Variants in DSC2 observed in about 807,000 individuals in gnomAD.
DSC2 encodes the protein desmocollin-2.
Under a neutral mutation model 87.6 loss-of-function variants are expected in DSC2, and 51 were observed. The observed-to-expected ratio is 0.58, with a 90% CI of 0.46 to 0.74. DSC2 has a LOEUF of 0.74. DSC2 is among the 30% of genes least tolerant of loss of function. The pLI is 0.00. For synonymous variants in DSC2, 383 were observed against 393.2 expected (o/e 0.97, Z 0.31); for missense variants, 1,066 against 1,089.5 (o/e 0.98, Z 0.30).
chr18:31,089,179 A>AAC (rs1987503641), intron 5 of DSC2, among the ~76,000 whole-genome samples: 1 of 151,702 alleles, frequency 6.6e-6, no homozygotes, highest in South Asian at 2.1e-4. Context: ...AAAAAAAAAA[A>AAC]AAAACTGTTC....
At position 31,102,398 on chromosome 18, in the gene DSC2, C is replaced by T. The variant is rs1988000601; in HGVS notation, c.-427G>A. The stretch of plus-strand genomic sequence containing the variant: ...TCCGCCAGGCGAGATTAACAGCCGG[C>T]CCTGCCCAGCAGAAGCCCTGACTGC... On this transcript the variant is annotated 5_prime_UTR_variant, in exon 1 of 16. Transcript: ENST00000280904. 1 of 162,140 alleles carries T rather than the reference C, an allele frequency of 6.2e-6. No homozygotes were observed. The allele number at this position is 162,140 out of a possible 1,614,324, so 10.0% of individuals were successfully genotyped here. A position where few individuals can be genotyped will look rare whatever the true frequency, so the allele number is the denominator to read the frequency against.
At position 31,074,865 on chromosome 18, in the gene DSC2, T is replaced by G; in HGVS notation, c.1706A>C (p.Asp569Ala). 1 of 1,613,942 alleles carries G rather than the reference T, an allele frequency of 6.2e-7. No homozygotes were observed. The highest frequency in any genetic ancestry group is 8.5e-7 in the Non-Finnish European group (1 of 1,179,974). The part of the protein sequence containing the change: ...CTGTLGIILQ[D>A]VNDNSPFIPK... ...TATGAATGGGCTGTTATCATTCACG[T>G]CTTGAAGTATAATGCCCAGTGTCCC... Residue 569 changes from aspartate (D) to alanine (A), a missense_variant, in exon 12 of 16, where the codon GAC (aspartate) becomes GCC (alanine). Asp to Ala is a moderately radical substitution (Grantham distance 126, BLOSUM62 -2). Coordinates refer to ENST00000280904, the MANE Select transcript of DSC2 (RefSeq NM_024422.6).
intron 1 of DSC2, among the ~76,000 whole-genome samples, chr18:31,096,673 T>C (rs1217163030): frequency 6.6e-6 from 1 of 152,088 alleles, no homozygotes; most frequent in African/African-American, 2.4e-5. Flanking sequence ...TTTTTTAGTC[T>C]CAAAAAATAA....
At chr18:31,078,448 T>C (rs1440443056) in intron 11 of DSC2, among the ~76,000 whole-genome samples, 1 of 152,178 alleles carries the variant, frequency 6.6e-6, no homozygotes, top group Non-Finnish European at 1.5e-5. Flanking sequence ...TAAACTCCTC[T>C]GCAACAGACG....
chr18:31,066,291 C>T lies in DSC2; in HGVS notation c.*1724G>A, dbSNP rs997487569. The stretch of plus-strand genomic sequence containing the variant: ...ACAGGAATCTAAGGAAGGGGTCTTA[C>T]TTCTCTGATTCAGGGAGTGCGAAAT... On this transcript the variant is annotated 3_prime_UTR_variant, in exon 16 of 16. Transcript: ENST00000280904. 4 of 152,124 alleles carry T rather than the reference C, an allele frequency of 2.6e-5. No individual in the cohort carries two copies. The highest frequency in any genetic ancestry group is 5.9e-5 in the Non-Finnish European group (4 of 67,996). The allele number at this position is 152,124 out of a possible 1,614,324, so 9.4% of individuals were successfully genotyped here.
chr18:31,074,584 T>G (rs1178826612), intron 12 of DSC2, 99 bp downstream of exon 12: 1 of 1,121,478 alleles, frequency 8.9e-7, no homozygotes, highest in Non-Finnish European at 1.3e-6. Flanking sequence ...CATTGGTGTT[T>G]CCCACATGGT....
At position 31,092,107 on chromosome 18, in the gene DSC2, T is replaced by G; in HGVS notation, c.348A>C (p.Gln116His). 1 of 1,612,176 alleles carries G rather than the reference T, an allele frequency of 6.2e-7. No individual in the cohort carries two copies. The highest frequency in any genetic ancestry group is 1.1e-5 in the South Asian group (1 of 90,958). Residue 116 changes from glutamine to histidine, a missense_variant, in exon 3 of 16, where the codon CAA (glutamine) becomes CAC (histidine). Coordinates refer to ENST00000280904, the MANE Select transcript of DSC2 (RefSeq NM_024422.6). ...KKKIFVFLEH[Q>H]TKVLKKRHTK... ...TTTATGTAGCCTTGTATACCTTTGT[T>G]TGATGCTCCAAAAAGACAAATATTT... is the stretch of plus-strand genomic sequence containing the variant.
intron 5 of DSC2, 139 bp from the exon 6 acceptor site, chr18:31,087,952 T>C: frequency 2.3e-6 from 2 of 865,074 alleles, no homozygotes; most frequent in Admixed American, 4.4e-5. Context: ...TTCTGGGATA[T>C]GGATATAATT....
At chr18:31,092,045 T>C in intron 3 of DSC2, 56 bp downstream of exon 3, 1 of 1,532,074 alleles carries the variant, frequency 6.5e-7, no homozygotes, top group Admixed American at 1.7e-5. Flanking sequence ...TCCCTGGTAA[T>C]GTTGATTACG....
chr18:31,063,956 C>T lies in DSC2; in HGVS notation c.*4059G>A, dbSNP rs1221364881. Reference sequence around the variant, plus strand: ...TGATCATATCTGCTCTTTGATGGCCCTTGAAAAAAGAGAAGAGGGAAGAAA... The same window carrying T: ...TGATCATATCTGCTCTTTGATGGCCTTTGAAAAAAGAGAAGAGGGAAGAAA... On this transcript the variant is annotated 3_prime_UTR_variant, in exon 16 of 16. Transcript: ENST00000280904. 1 of 151,932 alleles carries T rather than the reference C, an allele frequency of 6.6e-6. No individual in the cohort carries two copies. The highest frequency in any genetic ancestry group is 1.5e-5 in the Non-Finnish European group (1 of 68,056). The allele number at this position is 151,932 out of a possible 1,614,324, so 9.4% of individuals were successfully genotyped here.
intron 12 of DSC2, among the ~76,000 whole-genome samples, chr18:31,074,432 T>C (rs1567974296): frequency 3.7e-5 from 1 of 26,712 alleles, no homozygotes; most frequent in East Asian, 1.1e-3. Context: ...TGTGTGTGTG[T>C]GTGTGTGTGT....
chr18:31,091,961 C>A, intron 3 of DSC2, 140 bp downstream of exon 3: 1 of 787,268 alleles, frequency 1.3e-6, no homozygotes. Context: ...TCCTTCTAAA[C>A]ACTGTGAAGT....
At chr18:31,092,502 C>A (rs1987636304) in intron 2 of DSC2, among the ~76,000 whole-genome samples, 1 of 152,168 alleles carries the variant, frequency 6.6e-6, no homozygotes, top group Non-Finnish European at 1.5e-5. Flanking sequence ...ACTTAACATT[C>A]TCTTAAAGAA....
chr18:31,091,059 G>C lies in DSC2; in HGVS notation c.443C>G (p.Ser148Cys), dbSNP rs1282455246. 5 of 1,613,928 alleles carry C rather than the reference G, an allele frequency of 3.1e-6. No individual in the cohort carries two copies. The highest frequency in any genetic ancestry group is 3.4e-6 in the Non-Finnish European group (4 of 1,179,944). ...AAGGAAAAGTGGAAAAGGACCCAAG[G>C]AGTTTTCTAGCATCGAACAAGGAAT... ...APIPCSMLEN[S>C]LGPFPLFLQQ... is the part of the protein sequence containing the mutation. The change falls in exon 4 of 16, where the codon TCC becomes TGC. Residue 148 changes from serine (S) to cysteine (C), a missense_variant. Physicochemically the swap from Ser to Cys is moderately radical, Grantham distance 112 (BLOSUM62 -1). Transcript: ENST00000280904.
chr18:31,097,236 A>T (rs981261750), intron 1 of DSC2, among the ~76,000 whole-genome samples: 15 of 151,644 alleles, frequency 9.9e-5, no homozygotes, highest in African/African-American at 3.4e-4. Context: ...TGCAGTGAGC[A>T]GAGATCACGC....
intron 15 of DSC2, 91 bp from the exon 16 acceptor site, chr18:31,068,303 C>G (rs1986699414): frequency 6.2e-7 from 1 of 1,613,386 alleles, no homozygotes; most frequent in Admixed American, 1.7e-5. Context: ...ATTTACCTTT[C>G]ATTGTTTAAT....
At chr18:31,091,242 A>G in intron 3 of DSC2, 95 bp from the exon 4 acceptor site, 3 of 1,519,568 alleles carry the variant, frequency 2.0e-6, no homozygotes, top group Non-Finnish European at 2.7e-6. Flanking sequence ...CAGGAGGATT[A>G]GCTGGGTAGG....
chr18:31,079,281 T>G (rs1027866178), intron 11 of DSC2, among the ~76,000 whole-genome samples: 4 of 152,126 alleles, frequency 2.6e-5, no homozygotes, highest in African/African-American at 7.2e-5. Flanking sequence ...TGAGACAGAG[T>G]CTTACTCTGT....
chr18:31,073,445 G>T (rs1986900559), intron 12 of DSC2, among the ~76,000 whole-genome samples: 1 of 151,590 alleles, frequency 6.6e-6, no homozygotes, highest in East Asian at 1.9e-4. Context: ...TGAAAATCTT[G>T]TTAGTTCACA....
Sources: gnomAD v4.1 joint callset for allele counts (sites outside exome capture counted in the v4.1 genomes callset) on GRCh38, gnomAD v4.1.1 for gene constraint, MANE v1.5 for transcripts, NCBI Gene and HGNC (gene_info 2026-07-23, HGNC 2026-07-21) for gene names.